Variants in EMG1 observed in about 807,000 individuals in gnomAD.
EMG1 encodes EMG1 N1-specific pseudouridine methyltransferase, also known as ribosomal RNA small subunit methyltransferase NEP1.
EMG1 carries 24 observed loss-of-function variants against 26.9 expected under a neutral mutation model. The ratio of observed to expected loss-of-function variants is 0.89; its 90% CI spans 0.65 to 1.26. The LOEUF (loss-of-function observed/expected upper bound fraction) is 1.26. Among genes scored for constraint, EMG1 ranks in the 50% most tolerant of loss-of-function variants. EMG1 has a pLI of 0.00. For synonymous variants in EMG1, 140 were observed against 112.6 expected (o/e 1.24, Z -1.54); for missense variants, 299 against 307.6 (o/e 0.97, Z 0.21).
chr12:6,974,441 G>C lies in EMG1; in HGVS notation c.270+1G>C. ...AGCGCGGCCAGATATCACCCACCAG[G>C]TAACTCCAGGGACAGTGCTCACAAC... On this transcript the variant is annotated splice_donor_variant, in intron 2 of 5. Transcript: ENST00000599672. LOFTEE classifies it high-confidence loss of function. The C allele has an allele frequency of 6.2e-7, 1 of 1,613,272 alleles. No homozygotes were observed. The highest frequency in any genetic ancestry group is 8.5e-7 in the Non-Finnish European group (1 of 1,179,290).
rs782190613 is a variant in EMG1 at position 6,974,589 on chromosome 12, C to T, written c.308C>T (p.Ala103Val). ...LMLMDSPLNR[A>V]GLLQVYIHTQ... ...CTGATGGATAGTCCCCTGAACCGAGCTGGCTTGCTACAGGTTTATATCCAT... is the reference window on the plus strand; with the variant it reads ...CTGATGGATAGTCCCCTGAACCGAGTTGGCTTGCTACAGGTTTATATCCAT... Residue 103 changes from alanine (A) to valine (V), a missense_variant, in exon 3 of 6, where the codon GCT (alanine) becomes GTT (valine). Coordinates refer to ENST00000599672, the MANE Select transcript of EMG1 (RefSeq NM_006331.8). The T allele has an allele frequency of 6.2e-7, 1 of 1,613,960 alleles. No individual in the cohort carries two copies. Among genetic ancestry groups the T allele is most frequent in the Non-Finnish European group, 8.5e-7 (1 of 1,179,880 alleles).
chr12:6,993,295 G>A (rs969720406), intron 7 of EMG1, among the ~76,000 whole-genome samples: 3 of 151,794 alleles, frequency 2.0e-5, no homozygotes, highest in African/African-American at 2.4e-5. Flanking sequence ...TTAGCTGGGC[G>A]TGGTGGTGCC....
Position 6,971,019 on chromosome 12 carries a change from A to AG in EMG1, c.100dup (p.Ala34GlyfsTer9). ...CTCTGCCACCCAAGCGGCCCCGACT[A>AG]GGGGCAGGAAACAAGATCGGAGGCC... is the stretch of plus-strand genomic sequence containing the variant. On this transcript the variant is annotated frameshift_variant, in exon 1 of 6. Coordinates refer to ENST00000599672, the MANE Select transcript of EMG1 (RefSeq NM_006331.8). LOFTEE classifies it high-confidence loss of function. 1.2e-6 allele frequency: 2 copies of AG among 1,611,640 alleles called. No individual in the cohort carries two copies. Among genetic ancestry groups the AG allele is most frequent in the Non-Finnish European group, 1.7e-6 (2 of 1,178,694 alleles).
In EMG1 at chr12:6,978,709, G is replaced by GGGATTATCTAA; in HGVS notation, c.*2900_*2901insGGATTATCTAA. 1.2e-6 allele frequency: 2 copies of GGGATTATCTAA among 1,612,998 alleles called. No homozygotes were observed. The highest frequency in any genetic ancestry group is 2.2e-5 in the South Asian group (2 of 90,852). On this transcript the variant is annotated 3_prime_UTR_variant, in exon 6 of 6. Coordinates refer to ENST00000599672, the MANE Select transcript of EMG1 (RefSeq NM_006331.8). ...GTGGTTCTTGAGGGAAGAAAGCACA[G>GGGATTATCTAA]TGCATTAGGGATATCACATGACTAG...
At chr12:6,981,255 C>G, downstream of EMG1, 3 of 1,235,928 alleles carry the variant, frequency 2.4e-6, no homozygotes. Context: ...GAGTGTTCCC[C>G]ACCTGTGTGC....
In EMG1 at chr12:6,987,703, A is replaced by G; in HGVS notation, c.*155-79A>G. ...TCTTTAAGCATGAAAACCCTTAACC[A>G]TTTGGAATGCTCGAAATTAAAAAAC... On this transcript the variant is annotated intron_variant and NMD_transcript_variant, in intron 6 of 7. Transcript: ENST00000261406. This position sits in a 1 kb window ranked among gnomAD's most constrained non-coding sequence, Gnocchi z 4.1. 2.5e-6 allele frequency: 1 copy of G among 399,204 alleles called. No homozygotes were observed. The highest frequency in any genetic ancestry group is 4.4e-6 in the Non-Finnish European group (1 of 225,930). 24.7% of individuals were successfully genotyped at this position (399,204 alleles called of 1,614,324 possible).
downstream of EMG1, among the ~76,000 whole-genome samples, chr12:6,990,978 A>C (rs782371919): frequency 1.3e-5 from 2 of 152,028 alleles, no homozygotes; most frequent in East Asian, 3.9e-4. Context: ...TGATTAATTC[A>C]GTAAAAATAT....
rs1555153438 is a variant in EMG1 at position 6,977,538 on chromosome 12, G to A, written c.*1729G>A. The A allele has an allele frequency of 2.5e-6, 4 of 1,614,110 alleles. No individual in the cohort carries two copies. The Admixed American group carries it at 6.7e-5, about 27-fold the overall frequency. On this transcript the variant is annotated 3_prime_UTR_variant, in exon 6 of 6. Transcript: ENST00000599672. This position sits in a 1 kb window ranked among gnomAD's most constrained non-coding sequence, Gnocchi z 4.5. ...TGAGCCTGGCAGCCTGGGGAGGGAG[G>A]AGGAGCTCATCAGCATCTTGTCCCT...
downstream of EMG1, chr12:6,983,347 A>G (rs1425242273): frequency 1.8e-5 from 15 of 853,500 alleles, no homozygotes; most frequent in East Asian, 3.7e-4. Flanking sequence ...CCTACCTATT[A>G]GATTCTCTCA....
Position 6,987,944 on chromosome 12 carries a change from G to A in EMG1, c.*211+106G>A. ...TGTCTGTCCCTTTCCTTGCTACTCT[G>A]GGATCAACAGTCACCTCTTGAACTT... On this transcript the variant is annotated intron_variant and NMD_transcript_variant, in intron 7 of 7. Transcript: ENST00000261406. This position sits in a 1 kb window ranked among gnomAD's most constrained non-coding sequence, Gnocchi z 4.1. The A allele has an allele frequency of 2.5e-6, 1 of 398,604 alleles. No individual in the cohort carries two copies. Among genetic ancestry groups the A allele is most frequent in the Non-Finnish European group, 4.4e-6 (1 of 225,254 alleles). The allele number at this position is 398,604 out of a possible 1,614,324, so 24.7% of individuals were successfully genotyped here.
intron 3 of EMG1, 99 bp downstream of exon 3, chr12:6,974,792 A>G: frequency 7.9e-7 from 1 of 1,264,028 alleles, no homozygotes; most frequent in Non-Finnish European, 1.1e-6. Context: ...AAGCGAGAAA[A>G]TGGGAGAACA....
intron 3 of EMG1, 66 bp from the exon 4 acceptor site, chr12:6,975,024 G>C: frequency 6.6e-7 from 1 of 1,511,590 alleles, no homozygotes; most frequent in Non-Finnish European, 9.2e-7. Context: ...GGTTTTCCTT[G>C]TTCGATGACT....
chr12:6,982,066 G>A (rs368998763), downstream of EMG1, among the ~76,000 whole-genome samples: 2 of 152,276 alleles, frequency 1.3e-5, no homozygotes, highest in African/African-American at 2.4e-5. Context: ...TGGGAAGAGC[G>A]TTGCTCAAGG....
chr12:6,970,985 A>G lies in EMG1; in HGVS notation c.62A>G (p.Asp21Gly). The change falls in exon 1 of 6, where the codon GAC becomes GGC. Residue 21 changes from aspartate (D) to glycine (G), a missense_variant. Coordinates refer to ENST00000599672, the MANE Select transcript of EMG1 (RefSeq NM_006331.8). ...CGAAGCGGTGGGGAGCAGGCACAGG[A>G]CTGGGATGCTCTGCCACCCAAGCGG... ...RERSGGEQAQ[D>G]WDALPPKRPR... 6.2e-7 allele frequency: 1 copy of G among 1,612,758 alleles called. No individual in the cohort carries two copies. Among genetic ancestry groups the G allele is most frequent in the East Asian group, 2.2e-5 (1 of 44,860 alleles).
chr12:6,974,889 G>A (rs1361861871), intron 3 of EMG1, 196 bp downstream of exon 3: 1 of 795,456 alleles, frequency 1.3e-6, no homozygotes, highest in African/African-American at 1.7e-5. Context: ...CTTCCTGGCT[G>A]AGTGAAAGAG....
chr12:6,971,139 C>A, intron 1 of EMG1, 48 bp downstream of exon 1: 1 of 1,516,082 alleles, frequency 6.6e-7, no homozygotes, highest in East Asian at 2.3e-5. Context: ...TAGGTTGGGA[C>A]TCCGTGGAAT....
downstream of EMG1, among the ~76,000 whole-genome samples, chr12:6,983,915 A>G (rs1020192189): frequency 9.2e-5 from 14 of 152,186 alleles, no homozygotes; most frequent in African/African-American, 2.6e-4. Context: ...GGCTGAGGCA[A>G]GGGGATTGCT....
chr12:6,979,771 T>C lies in EMG1; in HGVS notation c.*3962T>C. 1 of 598,620 alleles carries C rather than the reference T, an allele frequency of 1.7e-6. No individual in the cohort carries two copies. Among genetic ancestry groups the C allele is most frequent in the East Asian group, 2.8e-5 (1 of 35,884 alleles). The allele number at this position is 598,620 out of a possible 1,614,324, so 37.1% of individuals were successfully genotyped here. A position where few individuals can be genotyped will look rare whatever the true frequency, so the allele number is the denominator to read the frequency against. On this transcript the variant is annotated 3_prime_UTR_variant, in exon 6 of 6. Coordinates refer to ENST00000599672, the MANE Select transcript of EMG1 (RefSeq NM_006331.8). ...ATGGCTGGCTATGAGGAATGGGGAC[T>C]GCAAACCTCTTAAGAGTTGTAGGAA...
Position 6,974,543 on chromosome 12 carries a change from T to G in EMG1, c.271-9T>G. 1 of 1,612,872 alleles carries G rather than the reference T, an allele frequency of 6.2e-7. No individual in the cohort carries two copies. Among genetic ancestry groups the G allele is most frequent in the Middle Eastern group, 1.7e-4 (1 of 6,058 alleles). ...GCCTTAACCATGTCTCGGTTTCTGC[T>G]TTGCTCAGAGTTTGCTGATGCTGAT... On this transcript the variant is annotated splice_polypyrimidine_tract_variant and intron_variant, in intron 2 of 5. Transcript: ENST00000599672.
Sources: allele counts gnomAD v4.1 joint callset (sites outside exome capture counted in the v4.1 genomes callset), GRCh38; gene constraint gnomAD v4.1.1; non-coding constraint Gnocchi (gnomAD v3.1); transcripts MANE v1.5; gene names NCBI Gene and HGNC (gene_info 2026-07-23, HGNC 2026-07-21).